Variants in ACSM5 observed in about 807,000 individuals in gnomAD.
The protein encoded by ACSM5 is acyl-coenzyme A synthetase ACSM5, mitochondrial.
A neutral mutation model predicts 71.6 loss-of-function variants in ACSM5; 56 were observed. The observed-to-expected ratio is 0.78, with a 90% CI of 0.63 to 0.98. The LOEUF is 0.98. ACSM5 is among the 50% of genes least tolerant of loss of function. ACSM5 has a pLI of 0.00. For missense variants in ACSM5, 723 were observed against 726.0 expected (o/e 1.00, Z 0.05); for synonymous variants, 285 against 281.5 (o/e 1.01, Z -0.12).
At chr16:20,418,891 T>C (rs1258167093) in intron 3 of ACSM5, among the ~76,000 whole-genome samples, 3 of 152,182 alleles carry the variant, frequency 2.0e-5, no homozygotes, top group Non-Finnish European at 2.9e-5. Context: ...GAACCAGTGA[T>C]ATTATCCCTT....
At chr16:20,424,794 G>A (rs527994086) in intron 6 of ACSM5, among the ~76,000 whole-genome samples, 2 of 152,308 alleles carry the variant, frequency 1.3e-5, no homozygotes, top group East Asian at 1.9e-4. Flanking sequence ...GATTTGCTGC[G>A]AGAATGAAAT....
At chr16:20,411,774 T>C in intron 2 of ACSM5, 86 bp downstream of exon 2, 1 of 1,410,262 alleles carries the variant, frequency 7.1e-7, no homozygotes, top group African/African-American at 1.4e-5. Context: ...TCCAAGCATG[T>C]TGATGAGGAA....
intron 10 of ACSM5, 89 bp downstream of exon 10, chr16:20,431,410 C>T (rs947566297): frequency 2.0e-6 from 2 of 1,023,290 alleles, no homozygotes; most frequent in Non-Finnish European, 3.1e-6. Context: ...TTGTTTAATC[C>T]TTACAATGAC....
chr16:20,431,178 T>C, intron 9 of ACSM5, 42 bp from the exon 10 acceptor site: 2 of 1,596,326 alleles, frequency 1.3e-6, no homozygotes, highest in Non-Finnish European at 1.7e-6. Flanking sequence ...GCCCAGGGTG[T>C]AGACACTCAC....
At chr16:20,424,681 C>G (rs1293466283) in intron 6 of ACSM5, among the ~76,000 whole-genome samples, 1 of 152,194 alleles carries the variant, frequency 6.6e-6, no homozygotes, top group Non-Finnish European at 1.5e-5. Context: ...GGACTCTGAT[C>G]CTACACCTTT....
rs113356501 is a variant in ACSM5, at chr16:20,437,949, C to A, written c.1536+582C>A. ...GTGATCTTCCTGCCCCAGCACCCCCCCCAGTAGCTGGGATTACAGGCACAT... is the reference window on the plus strand; with the variant it reads ...GTGATCTTCCTGCCCCAGCACCCCCACCAGTAGCTGGGATTACAGGCACAT... On this transcript the variant is annotated intron_variant, in intron 12 of 13. Coordinates refer to ENST00000331849, the MANE Select transcript of ACSM5 (RefSeq NM_017888.3). 8.3e-3 allele frequency among the ~76,000 whole-genome samples: 1,267 copies of A among 151,896 alleles called. 20 individuals are homozygous for A. The highest frequency in any genetic ancestry group is 0.027 in the Middle Eastern group (8 of 294).
chr16:20,416,330 A>G (rs986434105), intron 2 of ACSM5, among the ~76,000 whole-genome samples: 1 of 152,018 alleles, frequency 6.6e-6, no homozygotes, highest in African/African-American at 2.4e-5. Flanking sequence ...TTTCAAGTCT[A>G]CTGCAAAGTT....
chr16:20,410,242 T>C (rs1966845021), intron 1 of ACSM5, among the ~76,000 whole-genome samples: 1 of 152,186 alleles, frequency 6.6e-6, no homozygotes, highest in South Asian at 2.1e-4. Context: ...CCATATTTTG[T>C]TATTATTATT....
At chr16:20,438,282 T>C (rs1446459805) in intron 12 of ACSM5, among the ~76,000 whole-genome samples, 1 of 151,982 alleles carries the variant, frequency 6.6e-6, no homozygotes, top group Non-Finnish European at 1.5e-5. Flanking sequence ...GCCTGCATTC[T>C]CAGAAGCATC....
At chr16:20,430,200 T>TACACACAC (rs199835504) in intron 8 of ACSM5, among the ~76,000 whole-genome samples, 39 of 144,856 alleles carry the variant, frequency 2.7e-4, no homozygotes, top group South Asian at 6.8e-4. Context: ...GCTATTGAAA[T>TACACACAC]ACACACACAC....
intron 4 of ACSM5, 141 bp downstream of exon 4, chr16:20,419,576 C>A: frequency 1.3e-6 from 1 of 776,888 alleles, no homozygotes. Context: ...CTGACCTGAG[C>A]ATAATCCTGG....
intron 6 of ACSM5, among the ~76,000 whole-genome samples, chr16:20,425,168 A>T (rs1369640704): frequency 6.6e-6 from 1 of 152,154 alleles, no homozygotes. Flanking sequence ...AGCCTCTGGT[A>T]ATCATCCTTC....
At chr16:20,414,151 G>A (rs879343020) in intron 2 of ACSM5, among the ~76,000 whole-genome samples, 2 of 152,110 alleles carry the variant, frequency 1.3e-5, no homozygotes. Flanking sequence ...ACTAGAAAGA[G>A]CATGGCAATG....
In ACSM5 at chr16:20,429,806, G is replaced by A. The variant is rs1967058788; in HGVS notation, c.1125+5G>A. On this transcript the variant is annotated splice_donor_5th_base_variant and intron_variant, in intron 8 of 13. Transcript: ENST00000331849. Reference sequence around the variant, plus strand: ...GGCTATGGCCAGTCTGAAACGGTGAGTGCTGGAGGGGCCAGGTCCCTACCC... The same window carrying A: ...GGCTATGGCCAGTCTGAAACGGTGAATGCTGGAGGGGCCAGGTCCCTACCC... 1 of 1,611,868 alleles carries A rather than the reference G, an allele frequency of 6.2e-7. No homozygotes were observed. The highest frequency in any genetic ancestry group is 1.3e-5 in the African/African-American group (1 of 74,858).
At chr16:20,416,552 C>T (rs1020127502) in intron 2 of ACSM5, among the ~76,000 whole-genome samples, 5 of 152,128 alleles carry the variant, frequency 3.3e-5, no homozygotes, top group African/African-American at 9.7e-5. Flanking sequence ...GAGTCTCCTA[C>T]CTGACCCTAA....
rs1446203725 is a variant in ACSM5, at chr16:20,439,924, A to G, written c.1656+5A>G. The G allele has an allele frequency of 1.2e-6, 2 of 1,611,908 alleles. No homozygotes were observed. Among genetic ancestry groups the G allele is most frequent in the East Asian group, 4.5e-5 (2 of 44,872 alleles). On this transcript the variant is annotated splice_donor_5th_base_variant and intron_variant, in intron 13 of 13. Transcript: ENST00000331849. ...CCATACAAATACCCCAGGAAGGTAA[A>G]TATCAGGGTTTCCAGGGCACAGTGA...
At chr16:20,432,467 T>C (rs2141658107) in intron 10 of ACSM5, among the ~76,000 whole-genome samples, 1 of 152,340 alleles carries the variant, frequency 6.6e-6, no homozygotes, top group South Asian at 2.1e-4. Context: ...TCTTCTACTT[T>C]ATTTTGTTTA....
chr16:20,438,668 C>T (rs574257908), intron 12 of ACSM5, among the ~76,000 whole-genome samples: 1 of 151,526 alleles, frequency 6.6e-6, no homozygotes, highest in African/African-American at 2.4e-5. Flanking sequence ...AAGTGCCCAA[C>T]ACATAAGCCG....
In ACSM5 at chr16:20,411,662, C is replaced by A. The variant is rs1300024158; in HGVS notation, c.178C>A (p.Leu60Met). The A allele has an allele frequency of 6.2e-7, 1 of 1,614,106 alleles. No individual in the cohort carries two copies. The highest frequency in any genetic ancestry group is 8.5e-7 in the Non-Finnish European group (1 of 1,180,024). Reference sequence around the variant, plus strand: ...GTACTTCAACTTCGCCCATGATGTGCTGGATGTGTGGAGTCGGCTGGAAGA... The same window carrying A: ...GTACTTCAACTTCGCCCATGATGTGATGGATGTGTGGAGTCGGCTGGAAGA... ...PEYFNFAHDVLDVWSRLEEAG... is the reference protein window; with the variant it reads ...PEYFNFAHDVMDVWSRLEEAG... Residue 60 changes from leucine (L) to methionine (M), a missense_variant, in exon 2 of 14, where the codon CTG (leucine) becomes ATG (methionine). By Grantham distance (15) the Leu-to-Met change is conservative. Coordinates refer to ENST00000331849, the MANE Select transcript of ACSM5 (RefSeq NM_017888.3).
Sources: allele counts gnomAD v4.1 joint callset (sites outside exome capture counted in the v4.1 genomes callset), GRCh38; gene constraint gnomAD v4.1.1; transcripts MANE v1.5; gene names NCBI Gene and HGNC (gene_info 2026-07-23, HGNC 2026-07-21).